Variants in TNFAIP8 observed in about 807,000 individuals in gnomAD.
The protein encoded by TNFAIP8 is TNF alpha induced protein 8.
Under a neutral mutation model 13.3 loss-of-function variants are expected in TNFAIP8, and 7 were observed. The observed-to-expected ratio is 0.52, with a 90% CI of 0.30 to 0.99. TNFAIP8 has a LOEUF of 0.99. Ranked by LOEUF, TNFAIP8 falls within the 50% of genes least tolerant of loss-of-function variation. The probability of loss-of-function intolerance (pLI) is 0.07; values close to 1 mark genes in which losing one functional copy is unlikely to be tolerated. For missense variants in TNFAIP8, 258 were observed against 236.9 expected (o/e 1.09, Z -0.58); for synonymous variants, 94 against 87.6 (o/e 1.07, Z -0.41).
chr5:119,372,129 T>TC (rs1351160853), intron 1 of TNFAIP8, among the ~76,000 whole-genome samples: 2 of 143,524 alleles, frequency 1.4e-5, no homozygotes, highest in Admixed American at 1.4e-4. Context: ...AGAGCAAGAC[T>TC]CCATCTCAAA....
intron 1 of TNFAIP8, among the ~76,000 whole-genome samples, chr5:119,328,482 T>C (rs1750288370): frequency 6.6e-6 from 1 of 152,206 alleles, no homozygotes; most frequent in Non-Finnish European, 1.5e-5. Context: ...CACCTTCTGC[T>C]ACCTTAAAAA....
At chr5:119,330,467 T>G (rs575971724) in intron 1 of TNFAIP8, among the ~76,000 whole-genome samples, 2 of 152,320 alleles carry the variant, frequency 1.3e-5, no homozygotes, top group African/African-American at 4.8e-5. Flanking sequence ...AAGCAGTTGA[T>G]GAAACTAGGC....
At chr5:119,299,768 C>T (rs983580432) in intron 1 of TNFAIP8, among the ~76,000 whole-genome samples, 24 of 152,230 alleles carry the variant, frequency 1.6e-4, no homozygotes, top group African/African-American at 2.7e-4. Context: ...CCACCCAGTT[C>T]GAGCTTCCTG....
chr5:119,388,981 A>G (rs1377267108), intron 1 of TNFAIP8, among the ~76,000 whole-genome samples: 2 of 152,012 alleles, frequency 1.3e-5, no homozygotes, highest in African/African-American at 2.4e-5. Flanking sequence ...TCTGGCTGAT[A>G]TGTGAAAAGA....
At chr5:119,331,290 A>G (rs1408350372) in intron 1 of TNFAIP8, among the ~76,000 whole-genome samples, 1 of 151,772 alleles carries the variant, frequency 6.6e-6, no homozygotes, top group Non-Finnish European at 1.5e-5. Context: ...TGCTTCACAA[A>G]TACTTACTTG....
intron 1 of TNFAIP8, among the ~76,000 whole-genome samples, chr5:119,283,700 T>A (rs1299183848): frequency 6.6e-6 from 1 of 152,040 alleles, no homozygotes; most frequent in Non-Finnish European, 1.5e-5. Flanking sequence ...AGTTGTAGAG[T>A]TGGGCTCTTC....
In TNFAIP8 at chr5:119,397,457, A is replaced by G. The variant is rs1483063542; in HGVS notation, c.*4076A>G. On this transcript the variant is annotated 3_prime_UTR_variant, in exon 2 of 2. Coordinates refer to ENST00000504771, the MANE Select transcript of TNFAIP8 (RefSeq NM_014350.4). Reference sequence around the variant, plus strand: ...AAGTTTTAGTCAATCTTGCATTTCCATACTTGCATTATCTAAACTAGTTGA... The same window carrying G: ...AAGTTTTAGTCAATCTTGCATTTCCGTACTTGCATTATCTAAACTAGTTGA... 1 of 152,230 alleles carries G rather than the reference A, an allele frequency of 6.6e-6. No homozygotes were observed. Among genetic ancestry groups the G allele is most frequent in the African/African-American group, 2.4e-5 (1 of 41,464 alleles). 9.4% of individuals were successfully genotyped at this position (152,230 alleles called of 1,614,324 possible).
At chr5:119,327,126 C>T (rs116583883) in intron 1 of TNFAIP8, among the ~76,000 whole-genome samples, 1,552 of 152,262 alleles carry the variant, frequency 0.01, 22 homozygotes, top group African/African-American at 0.035. Flanking sequence ...CAACTCCTTT[C>T]CAGGAGATGA....
intron 1 of TNFAIP8, among the ~76,000 whole-genome samples, chr5:119,391,903 C>A (rs775873556): frequency 1.3e-5 from 2 of 152,088 alleles, no homozygotes; most frequent in Non-Finnish European, 2.9e-5. Context: ...CATATAGTGT[C>A]TGTTTAATAT....
chr5:119,396,714 T>G lies in TNFAIP8; in HGVS notation c.*3333T>G, dbSNP rs1482729872. On this transcript the variant is annotated 3_prime_UTR_variant, in exon 2 of 2. Transcript: ENST00000504771. Reference sequence around the variant, plus strand: ...ATTAGTTTAAGAGTAAAGCATGGGGTGGGTGCGGTGGCTTATGCTTGTAAG... The same window carrying G: ...ATTAGTTTAAGAGTAAAGCATGGGGGGGGTGCGGTGGCTTATGCTTGTAAG... 1.3e-5 allele frequency: 2 copies of G among 151,836 alleles called. No individual in the cohort carries two copies. Among genetic ancestry groups the G allele is most frequent in the African/African-American group, 2.4e-5 (1 of 41,326 alleles). 9.4% of individuals were successfully genotyped at this position (151,836 alleles called of 1,614,324 possible).
At chr5:119,294,051 T>A (rs989508907) in intron 1 of TNFAIP8, among the ~76,000 whole-genome samples, 6 of 152,076 alleles carry the variant, frequency 3.9e-5, no homozygotes, top group African/African-American at 7.3e-5. Context: ...TTCTTTTTTT[T>A]AAATTTTATT....
intron 1 of TNFAIP8, among the ~76,000 whole-genome samples, chr5:119,357,654 A>G (rs2112778938): frequency 6.6e-6 from 1 of 152,002 alleles, no homozygotes; most frequent in South Asian, 2.1e-4. Flanking sequence ...GTTTGGAAGC[A>G]GCCTGCAAAC....
intron 1 of TNFAIP8, among the ~76,000 whole-genome samples, chr5:119,290,437 T>C (rs1174119913): frequency 6.6e-6 from 1 of 152,184 alleles, no homozygotes; most frequent in East Asian, 1.9e-4. Flanking sequence ...TCTCACTTCC[T>C]CAATATGTAA....
rs200020197 is a variant in TNFAIP8, at chr5:119,391,410, C to T, written c.32-1406C>T. The T allele has an allele frequency of 9.4e-5, 66 of 702,360 alleles. No homozygotes were observed. In the East Asian group the frequency reaches 1.3e-3, roughly 13 times the overall value. 43.5% of individuals were successfully genotyped at this position (702,360 alleles called of 1,614,324 possible). A position where few individuals can be genotyped will look rare whatever the true frequency, so the allele number is the denominator to read the frequency against. On this transcript the variant is annotated intron_variant, in intron 1 of 1. Transcript: ENST00000504771. ...ATATATGGAGAGAACAGTTGCCACT[C>T]GACTCAGAGATTGAGTAGACACCCA... is the stretch of plus-strand genomic sequence containing the variant.
rs769212634 is a variant in TNFAIP8, at chr5:119,392,994, G to A, written c.210G>A (p.Lys70=). 5.6e-6 allele frequency: 9 copies of A among 1,612,856 alleles called. No homozygotes were observed. In the Admixed American group the frequency reaches 1.3e-4, roughly 24 times the overall value. Residue 70 remains lysine, a synonymous_variant, in exon 2 of 2, where the codon AAG becomes AAA. Transcript: ENST00000504771. ...EYTQNKKEAE[K]IIKNLIKTVI... ...CCCAAAACAAGAAGGAGGCAGAGAA[G>A]ATCATCAAGAACCTCATCAAGACAG...
chr5:119,333,893 A>G (rs1025136589), intron 1 of TNFAIP8, among the ~76,000 whole-genome samples: 1 of 152,182 alleles, frequency 6.6e-6, no homozygotes, highest in East Asian at 1.9e-4. Flanking sequence ...AGACAGTTTC[A>G]TTTGTAAACA....
At chr5:119,310,220 TC>T (rs1429509885) in intron 1 of TNFAIP8, among the ~76,000 whole-genome samples, 1 of 152,030 alleles carries the variant, frequency 6.6e-6, no homozygotes, top group African/African-American at 2.4e-5. Flanking sequence ...ACTCTTTCGC[TC>T]CCTGGACTCC....
chr5:119,302,330 A>T (rs2112654455), intron 1 of TNFAIP8, among the ~76,000 whole-genome samples: 1 of 152,340 alleles, frequency 6.6e-6, no homozygotes, highest in South Asian at 2.1e-4. Flanking sequence ...AAATATGGAC[A>T]TCCTTTTATT....
rs1752967774 is a variant in TNFAIP8, at chr5:119,393,222, C to T, written c.438C>T (p.His146=). The T allele has an allele frequency of 1.2e-6, 2 of 1,614,020 alleles. No homozygotes were observed. Among genetic ancestry groups the T allele is most frequent in the Non-Finnish European group, 1.7e-6 (2 of 1,179,894 alleles). ...TGCTGCACCAAATCATTCAGCGCCA[C>T]CTCACTGCCAAGTCACATGGACGGG... ...REMLHQIIQR[H]LTAKSHGRVN... is the part of the protein sequence containing the mutation. The change falls in exon 2 of 2, where the codon CAC becomes CAT. Residue 146 remains histidine, a synonymous_variant. Coordinates refer to ENST00000504771, the MANE Select transcript of TNFAIP8 (RefSeq NM_014350.4).
Sources: gnomAD v4.1 joint callset for allele counts (sites outside exome capture counted in the v4.1 genomes callset) on GRCh38, gnomAD v4.1.1 for gene constraint, MANE v1.5 for transcripts, NCBI Gene and HGNC (gene_info 2026-07-23, HGNC 2026-07-21) for gene names.